The following PCNX2 variants were observed in gnomAD, a reference collection of about 807,000 sequenced individuals.
PCNX2 encodes pecanex-like protein 2.
In PCNX2, 168 loss-of-function variants were observed where a neutral mutation model predicts 223.8. The observed-to-expected ratio is 0.75, with a 90% CI of 0.66 to 0.85. The LOEUF (loss-of-function observed/expected upper bound fraction) is 0.85, where lower values mean the gene tolerates loss of function less well. Among genes scored for constraint, PCNX2 ranks in the 40% least tolerant of loss-of-function variants. The pLI is 0.00. For synonymous variants in PCNX2, 1,006 were observed against 1,052.6 expected (o/e 0.96, Z 0.86); for missense variants, 2,507 against 2,675.5 (o/e 0.94, Z 1.39).
chr1:233,080,101 T>C (rs1673286019), intron 23 of PCNX2, among the ~76,000 whole-genome samples: 1 of 152,146 alleles, frequency 6.6e-6, no homozygotes, highest in South Asian at 2.1e-4. Flanking sequence ...TGTTCCCAGG[T>C]TTGTCCCATA....
chr1:233,141,394 C>T (rs757928909), intron 19 of PCNX2, among the ~76,000 whole-genome samples: 9 of 152,294 alleles, frequency 5.9e-5, no homozygotes, highest in South Asian at 2.1e-4. Flanking sequence ...AGACCGGGTG[C>T]GGTGGCTCAT....
At chr1:233,101,322 G>A (rs1173376657) in intron 21 of PCNX2, among the ~76,000 whole-genome samples, 1 of 152,228 alleles carries the variant, frequency 6.6e-6, no homozygotes, top group Non-Finnish European at 1.5e-5. Context: ...CACTCTTCCA[G>A]AATAACAAGT....
chr1:233,226,751 A>C, intron 10 of PCNX2, among the ~76,000 whole-genome samples: 1 of 152,176 alleles, frequency 6.6e-6, no homozygotes, highest in East Asian at 1.9e-4. Flanking sequence ...GTGAGCAATA[A>C]GAATCCAAGG....
chr1:233,025,691 GGGA>G (rs1671059304), intron 25 of PCNX2: 1 of 426,598 alleles, frequency 2.3e-6, no homozygotes, highest in Non-Finnish European at 4.2e-6. Flanking sequence ...TCATTTCAGT[GGGA>G]GGCAGTAGTT....
At chr1:233,063,767 A>C (rs1458616443) in intron 23 of PCNX2, among the ~76,000 whole-genome samples, 2 of 152,146 alleles carry the variant, frequency 1.3e-5, no homozygotes, top group Non-Finnish European at 2.9e-5. Context: ...CTAGACTTCT[A>C]GTTGACATCT....
the PCNX2 span, among the ~76,000 whole-genome samples, chr1:233,302,996 C>T: frequency 9.9e-3 from 1,505 of 152,092 alleles, 11 homozygotes; most frequent in Non-Finnish European, 0.016. Context: ...GTAAATGTCC[C>T]CTAGTTAAAT....
At chr1:232,992,565 G>C (rs555400360) in intron 32 of PCNX2, among the ~76,000 whole-genome samples, 1 of 152,320 alleles carries the variant, frequency 6.6e-6, no homozygotes, top group Non-Finnish European at 1.5e-5. Context: ...CCTGGGGCCA[G>C]GACAATGGGA....
At chr1:233,287,485 T>C (rs1661511792) in intron 1 of PCNX2, among the ~76,000 whole-genome samples, 1 of 152,158 alleles carries the variant, frequency 6.6e-6, no homozygotes, top group South Asian at 2.1e-4. Flanking sequence ...ATAAGTCTCA[T>C]GAGATCTGGT....
intron 33 of PCNX2, 33 bp downstream of exon 33, chr1:232,986,059 G>A (rs1168235365): frequency 1.3e-6 from 2 of 1,550,608 alleles, no homozygotes; most frequent in East Asian, 2.4e-5. Context: ...CACCATCCCA[G>A]CCTGTCCTGG....
At chr1:233,169,384 C>T (rs921366433) in intron 17 of PCNX2, among the ~76,000 whole-genome samples, 1 of 151,698 alleles carries the variant, frequency 6.6e-6, no homozygotes, top group Non-Finnish European at 1.5e-5. Context: ...CGGTGGCTCA[C>T]GCCTGTAATC....
At position 233,255,049 on chromosome 1, in the gene PCNX2, A is replaced by C. The variant is rs553218505; in HGVS notation, c.1835-2261T>G. Among the ~76,000 whole-genome samples the C allele has an allele frequency of 2.6e-5, 4 of 152,334 alleles. No individual in the cohort carries two copies. In the East Asian group the frequency reaches 7.7e-4, roughly 29 times the overall value. The stretch of plus-strand genomic sequence containing the variant: ...GAACTCTGACCAATAATCTGCAGCA[A>C]CCAGGTGAGAAAATCAACCCATTAT... On this transcript the variant is annotated intron_variant, in intron 5 of 33. Transcript: ENST00000258229.
At chr1:233,030,471 C>G (rs1342024289) in intron 25 of PCNX2, among the ~76,000 whole-genome samples, 2 of 152,078 alleles carry the variant, frequency 1.3e-5, no homozygotes, top group African/African-American at 2.4e-5. Context: ...TCTAGAAACT[C>G]TTGTTATATG....
chr1:233,156,903 G>C (rs567341574), intron 19 of PCNX2, among the ~76,000 whole-genome samples: 1 of 151,994 alleles, frequency 6.6e-6, no homozygotes, highest in African/African-American at 2.4e-5. Context: ...GGGTGATAGA[G>C]TGAGATTCAG....
chr1:233,149,045 CAAAGT>C (rs1677638237), intron 19 of PCNX2, among the ~76,000 whole-genome samples: 1 of 152,144 alleles, frequency 6.6e-6, no homozygotes, highest in Non-Finnish European at 1.5e-5. Context: ...AGGGTTCACA[CAAAGT>C]AAAGTCAAAA....
At position 233,295,674 on chromosome 1, in the gene PCNX2, G is replaced by A. The variant is rs1662050304; in HGVS notation, c.-196C>T. On this transcript the variant is annotated 5_prime_UTR_variant, in exon 1 of 34. Coordinates refer to ENST00000258229, the MANE Select transcript of PCNX2 (RefSeq NM_014801.4). This position sits in a 1 kb window ranked among gnomAD's most constrained non-coding sequence, Gnocchi z 4.1. The stretch of plus-strand genomic sequence containing the variant: ...CTTCCGCCCGGACCCGCGAACCGCG[G>A]CGCCGGAGCCGGCTGCTGCGGCCGG... 2 of 550,820 alleles carry A rather than the reference G, an allele frequency of 3.6e-6. No individual in the cohort carries two copies. The highest frequency in any genetic ancestry group is 5.4e-6 in the Non-Finnish European group (2 of 368,820). The allele number at this position is 550,820 out of a possible 1,614,324, so 34.1% of individuals were successfully genotyped here.
At chr1:233,037,687 C>T (rs1043348023) in intron 25 of PCNX2, among the ~76,000 whole-genome samples, 1 of 151,960 alleles carries the variant, frequency 6.6e-6, no homozygotes, top group Non-Finnish European at 1.5e-5. Flanking sequence ...ATGCAATAGA[C>T]AAAAAAGACA....
intron 1 of PCNX2, among the ~76,000 whole-genome samples, chr1:233,271,986 G>T (rs1283085455): frequency 6.6e-6 from 1 of 152,008 alleles, no homozygotes; most frequent in Non-Finnish European, 1.5e-5. Flanking sequence ...TGAATTTTAG[G>T]ATTGTCTTTT....
chr1:233,053,568 CA>C (rs1447695636), intron 25 of PCNX2, among the ~76,000 whole-genome samples: 5 of 152,154 alleles, frequency 3.3e-5, no homozygotes, highest in South Asian at 4.1e-4. Context: ...ATTGCATCTC[CA>C]GTATTGAAAC....
chr1:233,087,302 T>G (rs1673655150), intron 23 of PCNX2: 1 of 728,812 alleles, frequency 1.4e-6, no homozygotes, highest in Non-Finnish European at 1.7e-6. Flanking sequence ...GACTGCTAGG[T>G]GGCCTCCAAC....
Sources: allele counts gnomAD v4.1 joint callset (sites outside exome capture counted in the v4.1 genomes callset), GRCh38; gene constraint gnomAD v4.1.1; non-coding constraint Gnocchi (gnomAD v3.1); transcripts MANE v1.5; gene names NCBI Gene and HGNC (gene_info 2026-07-23, HGNC 2026-07-21).